Variants in SERPINE3 observed in about 807,000 individuals in gnomAD.
The protein encoded by SERPINE3 is serpin family E member 3.
In SERPINE3, 43 loss-of-function variants were observed where a neutral mutation model predicts 41.7. That is an observed-to-expected ratio of 1.03 (90% CI 0.81 to 1.33). SERPINE3 has a LOEUF of 1.33. Among genes scored for constraint, SERPINE3 ranks in the 40% most tolerant of loss-of-function variants. The pLI is 0.00. For missense variants in SERPINE3, 440 were observed against 491.7 expected (o/e 0.89, Z 0.99); for synonymous variants, 200 against 192.2 (o/e 1.04, Z -0.34).
At chr13:51,358,779 A>AGGAG (rs1233006231) in intron 7 of SERPINE3, among the ~76,000 whole-genome samples, 5 of 152,098 alleles carry the variant, frequency 3.3e-5, no homozygotes, top group African/African-American at 1.2e-4. Context: ...AGAGTATGCC[A>AGGAG]GGAGGGAGGG....
intron 6 of SERPINE3, among the ~76,000 whole-genome samples, chr13:51,349,903 G>A (rs1009271019): frequency 1.3e-5 from 2 of 152,158 alleles, no homozygotes; most frequent in African/African-American, 2.4e-5. Flanking sequence ...TATTTCACAA[G>A]TAAAACTAAC....
chr13:51,343,964 C>T (rs914653615), intron 3 of SERPINE3, among the ~76,000 whole-genome samples: 2 of 152,216 alleles, frequency 1.3e-5, no homozygotes, highest in African/African-American at 2.4e-5. Flanking sequence ...GGAAGAATAT[C>T]CTCTATTCAT....
intron 3 of SERPINE3, 42 bp from the exon 4 acceptor site, chr13:51,344,206 TACTC>T (rs748954191): frequency 4.2e-6 from 6 of 1,421,626 alleles, no homozygotes; most frequent in East Asian, 2.3e-5. Context: ...GCTAACTCCT[TACTC>T]ACACTCACCA....
intron 1 of SERPINE3, among the ~76,000 whole-genome samples, chr13:51,340,151 C>T (rs1955275698): frequency 6.6e-6 from 1 of 152,152 alleles, no homozygotes. Flanking sequence ...GTGAGCTGCT[C>T]ACTGGTGAGT....
At chr13:51,359,075 C>G (rs1176089380) in intron 7 of SERPINE3, among the ~76,000 whole-genome samples, 1 of 151,952 alleles carries the variant, frequency 6.6e-6, no homozygotes, top group Non-Finnish European at 1.5e-5. Context: ...ATCATGGAAC[C>G]CTTTTACAGA....
At chr13:51,352,523 T>C (rs1955415444) in intron 6 of SERPINE3, among the ~76,000 whole-genome samples, 1 of 152,004 alleles carries the variant, frequency 6.6e-6, no homozygotes, top group South Asian at 2.1e-4. Flanking sequence ...TAAGACCAAG[T>C]CATCTGTGAA....
intron 8 of SERPINE3, chr13:51,361,607 A>G (rs1479602950): frequency 1.4e-5 from 8 of 590,418 alleles, no homozygotes; most frequent in Non-Finnish European, 2.4e-5. Flanking sequence ...ATTCCATGGA[A>G]TGTGTTGAAA....
intron 6 of SERPINE3, chr13:51,348,684 G>C: frequency 4.5e-6 from 1 of 222,490 alleles, no homozygotes; most frequent in South Asian, 6.4e-5. Flanking sequence ...GGCTGGAATG[G>C]AGCCCCCCAG....
intron 5 of SERPINE3, among the ~76,000 whole-genome samples, 162 bp downstream of exon 5, chr13:51,347,396 C>T (rs1332464671): frequency 2.6e-5 from 4 of 152,248 alleles, no homozygotes; most frequent in East Asian, 1.9e-4. Flanking sequence ...CTAAGGTGCC[C>T]GGAGACTTTA....
rs1251310099 is a variant in SERPINE3, at chr13:51,347,016, T to G, written c.491-9T>G. 6.4e-7 allele frequency: 1 copy of G among 1,566,264 alleles called. No individual in the cohort carries two copies. ...TTAACCCATGGCCACCTTGCTTTCC[T>G]GCTTGCAGGTGGGGGCCCCAGTGAG... is the stretch of plus-strand genomic sequence containing the variant. On this transcript the variant is annotated splice_polypyrimidine_tract_variant and intron_variant, in intron 4 of 9. Coordinates refer to ENST00000681248, the MANE Select transcript of SERPINE3 (RefSeq NM_001386375.1).
chr13:51,355,615 A>T (rs573828029), intron 7 of SERPINE3, among the ~76,000 whole-genome samples: 120 of 152,156 alleles, frequency 7.9e-4, no homozygotes, highest in Non-Finnish European at 1.0e-3. Context: ...CCTTTTTTCA[A>T]ATTACCCATA....
At chr13:51,344,205 T>C in intron 3 of SERPINE3, 47 bp from the exon 4 acceptor site, 1 of 1,412,312 alleles carries the variant, frequency 7.1e-7, no homozygotes, top group Non-Finnish European at 1.0e-6. Flanking sequence ...TGCTAACTCC[T>C]TACTCACACT....
intron 1 of SERPINE3, among the ~76,000 whole-genome samples, chr13:51,339,947 A>C (rs1413563817): frequency 6.6e-6 from 1 of 152,178 alleles, no homozygotes; most frequent in Non-Finnish European, 1.5e-5. Flanking sequence ...AGAGAGAGAG[A>C]GAGCCCTATG....
chr13:51,355,221 ATT>A, intron 7 of SERPINE3, 78 bp downstream of exon 7: 1 of 531,050 alleles, frequency 1.9e-6, no homozygotes, highest in Non-Finnish European at 3.3e-6. Context: ...AGGGATTCTC[ATT>A]TCAGAGTCAA....
chr13:51,348,172 C>A, intron 5 of SERPINE3, 41 bp from the exon 6 acceptor site: 2 of 1,477,410 alleles, frequency 1.4e-6, no homozygotes, highest in Non-Finnish European at 1.8e-6. Context: ...ATTCTCCTGG[C>A]TCCTGGGACA....
At chr13:51,354,063 G>T (rs1022866759) in intron 6 of SERPINE3, 4 of 152,182 alleles carry the variant, frequency 2.6e-5, no homozygotes, top group African/African-American at 9.7e-5. Context: ...AAGGCATAAA[G>T]TGCACACAGC....
intron 1 of SERPINE3, among the ~76,000 whole-genome samples, chr13:51,340,129 G>A (rs545739809): frequency 2.0e-5 from 3 of 152,190 alleles, no homozygotes; most frequent in African/African-American, 4.8e-5. Flanking sequence ...GAGTGTGAGC[G>A]TGAGTAGCAG....
intron 7 of SERPINE3, among the ~76,000 whole-genome samples, chr13:51,357,283 C>T (rs1955494731): frequency 6.6e-6 from 1 of 152,192 alleles, no homozygotes; most frequent in Non-Finnish European, 1.5e-5. Flanking sequence ...GCCACCAAAT[C>T]TCTCCAACAA....
At chr13:51,342,580 A>G (rs1955304811) in intron 3 of SERPINE3, among the ~76,000 whole-genome samples, 1 of 152,214 alleles carries the variant, frequency 6.6e-6, no homozygotes. Context: ...AGGCTAGGGC[A>G]GAGAAAAGAT....
Sources: allele counts gnomAD v4.1 joint callset (sites outside exome capture counted in the v4.1 genomes callset), GRCh38; gene constraint gnomAD v4.1.1; transcripts MANE v1.5; gene names NCBI Gene and HGNC (gene_info 2026-07-23, HGNC 2026-07-21).